U2SURP: variants seen among roughly 807,000 people sequenced by gnomAD.
The protein encoded by U2SURP is U2 snRNP-associated SURP motif-containing protein.
A neutral mutation model predicts 144.9 loss-of-function variants in U2SURP; 9 were observed. The ratio of observed to expected loss-of-function variants is 0.06; its 90% CI spans 0.04 to 0.11. U2SURP has a LOEUF of 0.11. Ranked by LOEUF, U2SURP falls within the 10% of genes least tolerant of loss-of-function variation. The pLI, the probability that U2SURP is intolerant of heterozygous loss-of-function variation, is 1.00. For synonymous variants in U2SURP, 408 were observed against 396.8 expected (o/e 1.03, Z -0.33); for missense variants, 724 against 1,226.7 (o/e 0.59, Z 6.12).
chr3:143,020,506 G>A, intron 7 of U2SURP, 93 bp from the exon 8 acceptor site: 2 of 816,994 alleles, frequency 2.4e-6, no homozygotes, highest in Non-Finnish European at 4.0e-6. Context: ...GATATTTCTA[G>A]TTATTTGATG....
At chr3:143,017,001 A>G (rs1936402632) in intron 6 of U2SURP, 26 bp downstream of exon 6, 5 of 1,549,124 alleles carry the variant, frequency 3.2e-6, no homozygotes, top group African/African-American at 2.8e-5. Flanking sequence ...GTAATTGACC[A>G]TTTATGTTCA....
chr3:143,037,491 A>G (rs993701779), intron 21 of U2SURP, among the ~76,000 whole-genome samples, 156 bp downstream of exon 21: 17 of 152,124 alleles, frequency 1.1e-4, no homozygotes, highest in Non-Finnish European at 2.5e-4. Context: ...AAATTCATAT[A>G]CCCAGTAATA....
chr3:143,047,630 C>A (rs1934586733), intron 24 of U2SURP, among the ~76,000 whole-genome samples: 1 of 48,206 alleles, frequency 2.1e-5, no homozygotes, highest in African/African-American at 1.1e-4. Context: ...GGGGGCTGAC[C>A]CCCCCTCCCG....
At chr3:143,024,106 G>A (rs1279701487) in intron 13 of U2SURP, 88 bp downstream of exon 13, 4 of 1,233,938 alleles carry the variant, frequency 3.2e-6, no homozygotes, top group South Asian at 1.2e-5. Context: ...GGAAAAGGTA[G>A]TATCTTGACT....
intron 27 of U2SURP, 37 bp downstream of exon 27, chr3:143,055,156 C>T: frequency 6.7e-7 from 1 of 1,486,236 alleles, no homozygotes; most frequent in Non-Finnish European, 9.0e-7. Context: ...TTTCAGATAC[C>T]AGTTTCCTTG....
intron 1 of U2SURP, among the ~76,000 whole-genome samples, chr3:143,006,204 T>C (rs143224020): frequency 4.5e-4 from 68 of 152,356 alleles, no homozygotes; most frequent in Middle Eastern, 3.4e-3. Context: ...AGGTTTGTTA[T>C]TTAACTTTAT....
intron 16 of U2SURP, among the ~76,000 whole-genome samples, chr3:143,029,278 T>TA (rs1933336609): frequency 6.6e-6 from 1 of 152,230 alleles, no homozygotes; most frequent in South Asian, 2.1e-4. Context: ...CGCTTTGACT[T>TA]ACTGTGCTCT....
At chr3:143,020,876 G>C (rs1416317378) in intron 8 of U2SURP, among the ~76,000 whole-genome samples, 183 bp downstream of exon 8, 2 of 152,170 alleles carry the variant, frequency 1.3e-5, no homozygotes, top group Non-Finnish European at 2.9e-5. Context: ...CACAGTAAGA[G>C]ATTAACAACA....
intron 16 of U2SURP, among the ~76,000 whole-genome samples, chr3:143,028,901 G>C (rs1933313610): frequency 6.6e-6 from 1 of 152,130 alleles, no homozygotes; most frequent in Non-Finnish European, 1.5e-5. Flanking sequence ...TATTTCTTTA[G>C]CATTGGAGTA....
chr3:143,011,816 T>A lies in U2SURP; in HGVS notation c.91-406T>A, dbSNP rs1936130820. Reference sequence around the variant, plus strand: ...ATAAAATAAGAAGTACGTATAACACTTATGCTTACCAAAATGTGATGTTTG... The same window carrying A: ...ATAAAATAAGAAGTACGTATAACACATATGCTTACCAAAATGTGATGTTTG... On this transcript the variant is annotated intron_variant, in intron 2 of 27. Coordinates refer to ENST00000473835, the MANE Select transcript of U2SURP (RefSeq NM_001080415.2). The A allele has an allele frequency of 9.0e-5, 35 of 387,868 alleles. 1 individual carries two copies. Among genetic ancestry groups the A allele is most frequent in the South Asian group, 6.6e-4 (34 of 51,734 alleles). The allele number at this position is 387,868 out of a possible 1,614,324, so 24.0% of individuals were successfully genotyped here. A position where few individuals can be genotyped will look rare whatever the true frequency, so the allele number is the denominator to read the frequency against.
At chr3:143,044,280 TCC>T (rs1934280963) in intron 24 of U2SURP, among the ~76,000 whole-genome samples, 2 of 116,958 alleles carry the variant, frequency 1.7e-5, no homozygotes, top group Admixed American at 1.0e-4. Flanking sequence ...TTTTCCCCTC[TCC>T]CCTCTCCTTT....
At chr3:143,035,780 AG>A (rs1444037298) in intron 19 of U2SURP, among the ~76,000 whole-genome samples, 1 of 152,060 alleles carries the variant, frequency 6.6e-6, no homozygotes, top group Admixed American at 6.6e-5. Flanking sequence ...ATTTATTTTT[AG>A]GGGTTTTTTT....
chr3:143,031,472 G>GCTACCACCACCCTA (rs1553842575), intron 16 of U2SURP, among the ~76,000 whole-genome samples: 3 of 48,140 alleles, frequency 6.2e-5, no homozygotes, highest in African/African-American at 2.1e-4. Flanking sequence ...CCACCACCCT[G>GCTACCACCACCCTA]ATCAGTTGGC....
chr3:143,055,014 C>G lies in U2SURP; in HGVS notation c.2846C>G (p.Pro949Arg). The change falls in exon 27 of 28, where the codon CCA becomes CGA. Residue 949 changes from proline to arginine, a missense_variant. Pro to Arg is a moderately radical substitution (Grantham distance 103). Coordinates refer to ENST00000473835, the MANE Select transcript of U2SURP (RefSeq NM_001080415.2). Reference sequence around the variant, plus strand: ...GGTAGACGAGTGAAATCCCCATCACCAAAATCGGAGCGATCAGAGCGTTCA... The same window carrying G: ...GGTAGACGAGTGAAATCCCCATCACGAAAATCGGAGCGATCAGAGCGTTCA... ...SSGRRVKSPS[P>R]KSERSERSER... 6.2e-7 allele frequency: 1 copy of G among 1,608,946 alleles called. No homozygotes were observed. Among genetic ancestry groups the G allele is most frequent in the Non-Finnish European group, 8.5e-7 (1 of 1,177,724 alleles).
At position 143,059,595 on chromosome 3, in the gene U2SURP, C is replaced by T. The variant is rs1451739944; in HGVS notation, c.*3145C>T. ...ATTCAAAATAAGGGTAAATAAATCT[C>T]TGTATTGCCAAAGTGACTTAAACTG... On this transcript the variant is annotated 3_prime_UTR_variant, in exon 28 of 28. Coordinates refer to ENST00000473835, the MANE Select transcript of U2SURP (RefSeq NM_001080415.2). 6.6e-6 allele frequency: 1 copy of T among 151,880 alleles called. No individual in the cohort carries two copies. The highest frequency in any genetic ancestry group is 1.9e-4 in the East Asian group (1 of 5,188). The allele number at this position is 151,880 out of a possible 1,614,324, so 9.4% of individuals were successfully genotyped here. A position where few individuals can be genotyped will look rare whatever the true frequency, so the allele number is the denominator to read the frequency against.
Position 143,019,724 on chromosome 3 carries a change from T to C in U2SURP, c.571-245T>C, listed in dbSNP as rs1342546056. Among the ~76,000 whole-genome samples the C allele has an allele frequency of 3.3e-5, 5 of 152,358 alleles. No individual in the cohort carries two copies. In the East Asian group the frequency reaches 7.7e-4, roughly 24 times the overall value. On this transcript the variant is annotated intron_variant, in intron 6 of 27. Transcript: ENST00000473835. ...TTTCCATGGCAGTTCAGTTACTTCA[T>C]GTTCATTAATTTCCCTGACTACTGG...
intron 27 of U2SURP, among the ~76,000 whole-genome samples, chr3:143,055,550 T>G (rs1935109377): frequency 6.6e-6 from 1 of 152,208 alleles, no homozygotes; most frequent in African/African-American, 2.4e-5. Context: ...AGTATGTATT[T>G]TAGTATTTTG....
intron 26 of U2SURP, among the ~76,000 whole-genome samples, chr3:143,054,045 C>T (rs1000058283): frequency 6.6e-6 from 1 of 152,144 alleles, no homozygotes; most frequent in East Asian, 1.9e-4. Flanking sequence ...TGCAAGGATT[C>T]AATTACAGTA....
At position 143,022,481 on chromosome 3, in the gene U2SURP, T is replaced by C. The variant is rs201734837; in HGVS notation, c.853-16T>C. ...CCCTTTTTTGCATAATAAAAATCTT[T>C]TACCCTTTTTAATAGATGAATGAAG... On this transcript the variant is annotated splice_polypyrimidine_tract_variant and intron_variant, in intron 10 of 27. Coordinates refer to ENST00000473835, the MANE Select transcript of U2SURP (RefSeq NM_001080415.2). The C allele has an allele frequency of 6.7e-7, 1 of 1,499,054 alleles. No individual in the cohort carries two copies. Among genetic ancestry groups the C allele is most frequent in the East Asian group, 2.3e-5 (1 of 43,458 alleles). 92.9% of individuals were successfully genotyped at this position (1,499,054 alleles called of 1,614,324 possible).
Sources: gnomAD v4.1 joint callset for allele counts (sites outside exome capture counted in the v4.1 genomes callset) on GRCh38, gnomAD v4.1.1 for gene constraint, MANE v1.5 for transcripts, NCBI Gene and HGNC (gene_info 2026-07-23, HGNC 2026-07-21) for gene names.